Variants in DNMBP observed in about 807,000 individuals in gnomAD.
DNMBP encodes the protein dynamin binding protein.
A neutral mutation model predicts 150.0 loss-of-function variants in DNMBP; 87 were observed. That is an observed-to-expected ratio of 0.58 (90% CI 0.49 to 0.69). DNMBP has a LOEUF of 0.69. DNMBP is among the 30% of genes least tolerant of loss of function. DNMBP has a pLI of 0.00. For synonymous variants in DNMBP, 711 were observed against 750.4 expected (o/e 0.95, Z 0.86); for missense variants, 1,774 against 1,949.0 (o/e 0.91, Z 1.69).
intron 4 of DNMBP, among the ~76,000 whole-genome samples, chr10:99,912,381 C>T (rs1055416700): frequency 2.0e-5 from 3 of 152,172 alleles, no homozygotes; most frequent in Non-Finnish European, 4.4e-5. Flanking sequence ...CAAGCACTTA[C>T]TCATCAATCA....
rs1376060624 is a variant in DNMBP at position 99,879,918 on chromosome 10, C to T, written c.4441G>A (p.Gly1481Arg). 6.2e-7 allele frequency: 1 copy of T among 1,614,120 alleles called. No individual in the cohort carries two copies. The highest frequency in any genetic ancestry group is 8.5e-7 in the Non-Finnish European group (1 of 1,180,056). Residue 1481 changes from glycine to arginine, a missense_variant, in exon 16 of 17, where the codon GGA becomes AGA. Coordinates refer to ENST00000324109, the MANE Select transcript of DNMBP (RefSeq NM_015221.4). ...HPEIVGYSVPGRNGQSQDLVK... is the reference protein window; with the variant it reads ...HPEIVGYSVPRRNGQSQDLVK... ...AGGTCTTGACTTTGCCCATTTCGTC[C>T]TGGTACGGAGTAGCCAACTATTTCT...
intron 4 of DNMBP, among the ~76,000 whole-genome samples, chr10:99,943,052 G>C (rs180693835): frequency 6.2e-4 from 92 of 149,312 alleles, no homozygotes; most frequent in Admixed American, 1.7e-3. Flanking sequence ...GGAGGCTGAG[G>C]GGGGGGCGGA....
intron 1 of DNMBP, among the ~76,000 whole-genome samples, chr10:99,994,013 A>C (rs992161299): frequency 4.6e-5 from 7 of 152,210 alleles, no homozygotes; most frequent in African/African-American, 1.7e-4. Flanking sequence ...GGTAGGTAAC[A>C]AACACAGTGT....
At chr10:99,936,515 CTTTTTTT>C (rs34804787) in intron 4 of DNMBP, among the ~76,000 whole-genome samples, 12 of 134,354 alleles carry the variant, frequency 8.9e-5, no homozygotes, top group South Asian at 2.4e-4. Context: ...TTTCTTTTTT[CTTTTTTT>C]TTTTTTTTTT....
At chr10:99,882,095 C>T (rs778301117) in intron 15 of DNMBP, among the ~76,000 whole-genome samples, 16 of 152,000 alleles carry the variant, frequency 1.1e-4, no homozygotes, top group Non-Finnish European at 2.1e-4. Flanking sequence ...CTGGAGGACA[C>T]GTTAAGTGAA....
chr10:99,960,659 A>T (rs1443528768), intron 3 of DNMBP, among the ~76,000 whole-genome samples: 1 of 151,732 alleles, frequency 6.6e-6, no homozygotes, highest in Non-Finnish European at 1.5e-5. Flanking sequence ...ATACAAAATT[A>T]GCCAGGTGGG....
chr10:99,933,215 G>C (rs1317561156), intron 4 of DNMBP, among the ~76,000 whole-genome samples: 1 of 151,476 alleles, frequency 6.6e-6, no homozygotes, highest in African/African-American at 2.4e-5. Context: ...AGGATTGCTT[G>C]AGCCTGGGAG....
Position 99,879,972 on chromosome 10 carries a change from G to A in DNMBP, c.4387C>T (p.Pro1463Ser), listed in dbSNP as rs1470789630. ...TGCCTGAAGTTCCGGTAGCTCCTCG[G>A]CGTGGCAGTGGGTTGCTTTACATCT... ...ARDVKQPTATPRSYRNFRHPE... is the reference protein window; with the variant it reads ...ARDVKQPTATSRSYRNFRHPE... Residue 1463 changes from proline to serine, a missense_variant, in exon 16 of 17, where the codon CCG (proline) becomes TCG (serine). By Grantham distance (74) the Pro-to-Ser change is moderately conservative. Coordinates refer to ENST00000324109, the MANE Select transcript of DNMBP (RefSeq NM_015221.4). The A allele has an allele frequency of 6.2e-7, 1 of 1,614,084 alleles. No individual in the cohort carries two copies. Among genetic ancestry groups the A allele is most frequent in the African/African-American group, 1.3e-5 (1 of 74,920 alleles).
chr10:99,952,102 A>G (rs770763555), intron 4 of DNMBP, among the ~76,000 whole-genome samples: 1 of 152,144 alleles, frequency 6.6e-6, no homozygotes, highest in African/African-American at 2.4e-5. Flanking sequence ...GTCTCCCTAC[A>G]CAAACTCTCT....
chr10:99,900,031 C>T lies in DNMBP; in HGVS notation c.2590G>A (p.Gly864Arg). The T allele has an allele frequency of 6.2e-7, 1 of 1,614,054 alleles. No individual in the cohort carries two copies. Among genetic ancestry groups the T allele is most frequent in the Non-Finnish European group, 8.5e-7 (1 of 1,180,006 alleles). ...VFLGHRDELE[G>R]TYKIYCQNHD... ...TTCTGGCAGTAAATCTTGTATGTTC[C>T]CTCAAGCTCATCCCGGTGACCAAGA... The change falls in exon 7 of 17, where the codon GGA (glycine) becomes AGA (arginine). Residue 864 changes from glycine to arginine, a missense_variant. Physicochemically the swap from Gly to Arg is moderately radical, Grantham distance 125 (BLOSUM62 -2). Transcript: ENST00000324109.
intron 1 of DNMBP, among the ~76,000 whole-genome samples, chr10:99,975,796 T>C (rs1169259270): frequency 6.6e-6 from 1 of 152,248 alleles, no homozygotes; most frequent in Non-Finnish European, 1.5e-5. Context: ...TTAAACTCTC[T>C]GGGCTTCAGT....
chr10:99,945,191 A>T (rs985987383), intron 4 of DNMBP, among the ~76,000 whole-genome samples: 6 of 152,234 alleles, frequency 3.9e-5, no homozygotes, highest in African/African-American at 1.4e-4. Flanking sequence ...AAACAAAAAA[A>T]ATCAGCTGAG....
At chr10:99,912,807 G>A (rs900426038) in intron 4 of DNMBP, among the ~76,000 whole-genome samples, 4 of 152,194 alleles carry the variant, frequency 2.6e-5, no homozygotes, top group Non-Finnish European at 5.9e-5. Context: ...CTATAGGCAT[G>A]TGTCACTGCT....
rs1195895574 is a variant in DNMBP, at chr10:99,898,077, T to C, written c.2920+9A>G. 6.2e-7 allele frequency: 1 copy of C among 1,611,348 alleles called. No individual in the cohort carries two copies. Among genetic ancestry groups the C allele is most frequent in the Admixed American group, 1.7e-5 (1 of 60,018 alleles). On this transcript the variant is annotated intron_variant, in intron 9 of 16. Coordinates refer to ENST00000324109, the MANE Select transcript of DNMBP (RefSeq NM_015221.4). Reference sequence around the variant, plus strand: ...CATACCTCCTTTTCAGCAATTATGCTGTTCTTACCCAGGTCCTTTCGCCGT... The same window carrying C: ...CATACCTCCTTTTCAGCAATTATGCCGTTCTTACCCAGGTCCTTTCGCCGT...
chr10:99,995,253 T>C (rs2040938990), intron 1 of DNMBP, among the ~76,000 whole-genome samples: 1 of 152,164 alleles, frequency 6.6e-6, no homozygotes, highest in South Asian at 2.1e-4. Context: ...GATTTCCCCA[T>C]GTTGCCCAGG....
intron 1 of DNMBP, among the ~76,000 whole-genome samples, chr10:99,979,338 G>C (rs1589447698): frequency 6.6e-6 from 1 of 152,278 alleles, no homozygotes; most frequent in African/African-American, 2.4e-5. Context: ...CTCAAAAGGA[G>C]ACACTCACTC....
At chr10:99,930,405 G>C (rs2040137632) in intron 4 of DNMBP, 1 of 702,790 alleles carries the variant, frequency 1.4e-6, no homozygotes, top group Non-Finnish European at 2.6e-6. Flanking sequence ...GCTTCTCGTA[G>C]GTGAATTATC....
At chr10:99,978,855 G>A (rs933429185) in intron 1 of DNMBP, among the ~76,000 whole-genome samples, 5 of 152,090 alleles carry the variant, frequency 3.3e-5, no homozygotes, top group East Asian at 1.9e-4. Flanking sequence ...GATTACAGGC[G>A]TGAGCCACCA....
chr10:99,958,448 G>A (rs1173510445), intron 3 of DNMBP: 25 of 152,300 alleles, frequency 1.6e-4, no homozygotes, highest in Admixed American at 1.6e-3. Context: ...ACCATTTTAT[G>A]TGCAAGAATG....
Sources: allele counts gnomAD v4.1 joint callset (sites outside exome capture counted in the v4.1 genomes callset), GRCh38; gene constraint gnomAD v4.1.1; transcripts MANE v1.5; gene names NCBI Gene and HGNC (gene_info 2026-07-23, HGNC 2026-07-21).